ARHGAP26: variants seen among roughly 807,000 people sequenced by gnomAD.
ARHGAP26 encodes the protein rho GTPase-activating protein 26.
Under a neutral mutation model 104.8 loss-of-function variants are expected in ARHGAP26, and 38 were observed. The ratio of observed to expected loss-of-function variants is 0.36; its 90% CI spans 0.28 to 0.48. ARHGAP26 has a LOEUF of 0.48. Among genes scored for constraint, ARHGAP26 ranks in the 20% least tolerant of loss-of-function variants. ARHGAP26 has a pLI of 0.99. For missense variants in ARHGAP26, 704 were observed against 947.9 expected (o/e 0.74, Z 3.38); for synonymous variants, 341 against 340.0 (o/e 1.00, Z -0.03).
rs551449319 is a variant in ARHGAP26, at chr5:143,205,169, A to T, written c.1989-2029A>T. Among the ~76,000 whole-genome samples, 67 of 152,192 alleles carry T rather than the reference A, an allele frequency of 4.4e-4. 1 individual carries two copies. The Middle Eastern group carries it at 0.01, about 23-fold the overall frequency. ...TAAGCTAGTACTAGCTTAGCCCTCA[A>T]CTGATGGATCTTACTGTCTTACATT... On this transcript the variant is annotated intron_variant, in intron 20 of 22. Transcript: ENST00000645722.
intron 1 of ARHGAP26, among the ~76,000 whole-genome samples, chr5:142,838,810 T>C (rs1770135554): frequency 6.6e-6 from 1 of 152,218 alleles, no homozygotes; most frequent in Admixed American, 6.5e-5. Flanking sequence ...ATTTTCATTA[T>C]ACAGACAAGG....
intron 1 of ARHGAP26, among the ~76,000 whole-genome samples, chr5:142,784,429 C>T (rs554453653): frequency 5.9e-5 from 9 of 152,272 alleles, no homozygotes; most frequent in East Asian, 3.9e-4. Flanking sequence ...TGAAACCGTA[C>T]GTAATTTGTA....
intron 1 of ARHGAP26, chr5:142,868,739 T>A (rs540908157): frequency 6.6e-6 from 1 of 152,016 alleles, no homozygotes; most frequent in Non-Finnish European, 1.5e-5. Flanking sequence ...GGTGTTTGAG[T>A]AGAGAGAGTT....
intron 17 of ARHGAP26, among the ~76,000 whole-genome samples, chr5:143,111,316 GTCTC>G (rs151096038): frequency 2.7e-5 from 4 of 150,826 alleles, no homozygotes; most frequent in African/African-American, 4.8e-5. Flanking sequence ...CTGTCTGTCA[GTCTC>G]TCTCTCTCTC....
chr5:142,931,150 T>C (rs945329886), intron 10 of ARHGAP26, among the ~76,000 whole-genome samples: 4 of 152,242 alleles, frequency 2.6e-5, no homozygotes, highest in Admixed American at 2.0e-4. Flanking sequence ...TTTGAGAATC[T>C]GACAGACAAT....
intron 1 of ARHGAP26, among the ~76,000 whole-genome samples, chr5:142,847,207 C>G (rs1295079222): frequency 6.6e-6 from 1 of 152,134 alleles, no homozygotes; most frequent in African/African-American, 2.4e-5. Flanking sequence ...CAGCATTTCT[C>G]TGATACACAG....
At chr5:142,929,974 C>G (rs898384920) in intron 10 of ARHGAP26, among the ~76,000 whole-genome samples, 1 of 152,134 alleles carries the variant, frequency 6.6e-6, no homozygotes, top group Non-Finnish European at 1.5e-5. Flanking sequence ...GTGTGGGCCT[C>G]AAACTTAACT....
At chr5:142,979,367 A>G (rs542551845) in intron 11 of ARHGAP26, among the ~76,000 whole-genome samples, 6 of 152,194 alleles carry the variant, frequency 3.9e-5, no homozygotes, top group South Asian at 4.1e-4. Flanking sequence ...TTGCTCTGCA[A>G]TTGCTTTTTT....
Position 142,772,558 on chromosome 5 carries a change from T to G in ARHGAP26, c.154+1643T>G, listed in dbSNP as rs1441538429. 2.0e-5 allele frequency among the ~76,000 whole-genome samples: 3 copies of G among 152,188 alleles called. No individual in the cohort carries two copies. In the East Asian group the frequency reaches 5.8e-4, roughly 29 times the overall value. ...AGTGAATATTTTGCTGCTCCTGTGC[T>G]TACAGAGGTGTACTTCATTCCAGGC... On this transcript the variant is annotated intron_variant, in intron 1 of 22. Transcript: ENST00000645722.
At chr5:142,832,659 C>A (rs1358473035) in intron 1 of ARHGAP26, among the ~76,000 whole-genome samples, 1 of 152,242 alleles carries the variant, frequency 6.6e-6, no homozygotes, top group African/African-American at 2.4e-5. Flanking sequence ...GTAAGTCCCT[C>A]TGTCCTTGCC....
intron 11 of ARHGAP26, among the ~76,000 whole-genome samples, chr5:142,987,693 T>G (rs1774971610): frequency 6.6e-6 from 1 of 152,050 alleles, no homozygotes; most frequent in Non-Finnish European, 1.5e-5. Flanking sequence ...TTATTGAGAG[T>G]TTTTAGCATG....
chr5:142,966,763 G>A (rs562802041), intron 11 of ARHGAP26, among the ~76,000 whole-genome samples: 5 of 152,298 alleles, frequency 3.3e-5, no homozygotes, highest in African/African-American at 1.2e-4. Context: ...TGGGATACAT[G>A]TGCAGAACGT....
intron 1 of ARHGAP26, among the ~76,000 whole-genome samples, chr5:142,793,354 G>C (rs879566724): frequency 1.9e-4 from 29 of 149,084 alleles, no homozygotes; most frequent in African/African-American, 7.2e-4. Context: ...AATACTGATG[G>C]TGAGTCTTAG....
At chr5:143,178,400 T>C (rs557620469) in intron 20 of ARHGAP26, among the ~76,000 whole-genome samples, 28 of 152,308 alleles carry the variant, frequency 1.8e-4, no homozygotes, top group African/African-American at 6.0e-4. Context: ...AGAAGGAGCA[T>C]TGTGTTCATT....
chr5:143,003,362 G>T (rs1205892145), intron 11 of ARHGAP26, among the ~76,000 whole-genome samples: 2 of 152,186 alleles, frequency 1.3e-5, no homozygotes, highest in Admixed American at 1.3e-4. Context: ...AGGATAATTT[G>T]CTCATCAAGG....
chr5:143,176,053 T>G (rs113575873), intron 20 of ARHGAP26, among the ~76,000 whole-genome samples: 4,645 of 152,168 alleles, frequency 0.031, 227 homozygotes, highest in African/African-American at 0.099. Context: ...GGTGGAGGTT[T>G]CAGTGAGCTG....
At chr5:143,087,016 C>T (rs1485307034) in intron 17 of ARHGAP26, among the ~76,000 whole-genome samples, 2 of 152,214 alleles carry the variant, frequency 1.3e-5, no homozygotes, top group East Asian at 3.8e-4. Context: ...GATCATGTTC[C>T]AAAAAGATTC....
At chr5:143,044,558 G>A (rs1022980837) in intron 14 of ARHGAP26, among the ~76,000 whole-genome samples, 1 of 125,876 alleles carries the variant, frequency 7.9e-6, no homozygotes, top group African/African-American at 2.9e-5. Context: ...GATCCTGTGC[G>A]TATGTTGGGG....
At chr5:143,141,343 C>T (rs1011872677) in intron 19 of ARHGAP26, among the ~76,000 whole-genome samples, 19 of 152,110 alleles carry the variant, frequency 1.2e-4, no homozygotes, top group Admixed American at 5.9e-4. Context: ...GAGTCTGCTT[C>T]GTTAAAAAAG....
Sources: allele counts gnomAD v4.1 joint callset (sites outside exome capture counted in the v4.1 genomes callset), GRCh38; gene constraint gnomAD v4.1.1; transcripts MANE v1.5; gene names NCBI Gene and HGNC (gene_info 2026-07-23, HGNC 2026-07-21).